The following FAM193A variants were observed in gnomAD, a reference collection of about 807,000 sequenced individuals.
FAM193A encodes the protein family with sequence similarity 193 member A.
FAM193A carries 22 observed loss-of-function variants against 126.5 expected under a neutral mutation model. The observed-to-expected ratio is 0.17, with a 90% CI of 0.12 to 0.25. The LOEUF (loss-of-function observed/expected upper bound fraction) is 0.25, where lower values mean the gene tolerates loss of function less well. Among genes scored for constraint, FAM193A ranks in the 10% least tolerant of loss-of-function variants. FAM193A has a pLI of 1.00. For missense variants in FAM193A, 1,675 were observed against 1,672.8 expected, an observed-to-expected ratio of 1.00 and a Z score of -0.02; for synonymous variants, 761 against 646.8, an observed-to-expected ratio of 1.18 and a Z score of -2.68.
chr4:2,662,400 A>C (rs1318752905), intron 10 of FAM193A, among the ~76,000 whole-genome samples: 1 of 152,212 alleles, frequency 6.6e-6, no homozygotes, highest in Non-Finnish European at 1.5e-5. Context: ...TGAAAAAGCA[A>C]ACACTAAACA....
chr4:2,562,926 C>T (rs529440702), intron 1 of FAM193A, among the ~76,000 whole-genome samples: 3 of 150,994 alleles, frequency 2.0e-5, no homozygotes, highest in Admixed American at 6.6e-5. Context: ...CCACACCTGG[C>T]GATTTGCATT....
At chr4:2,548,312 C>G (rs945746592) in intron 1 of FAM193A, among the ~76,000 whole-genome samples, 3 of 152,010 alleles carry the variant, frequency 2.0e-5, no homozygotes, top group Non-Finnish European at 4.4e-5. Flanking sequence ...CTCAGATTAT[C>G]CGCCCGCCTC....
chr4:2,654,796 T>G (rs1224688073), intron 7 of FAM193A: 1 of 306,576 alleles, frequency 3.3e-6, no homozygotes, highest in African/African-American at 2.1e-5. Flanking sequence ...ACCCATTTTG[T>G]GCCTCCATAG....
intron 2 of FAM193A, among the ~76,000 whole-genome samples, chr4:2,617,755 A>C (rs895883752): frequency 6.6e-6 from 1 of 152,142 alleles, no homozygotes; most frequent in African/African-American, 2.4e-5. Flanking sequence ...TTCTGGTGCT[A>C]ATGTAGTCGT....
At chr4:2,588,197 A>T (rs577738119) in intron 1 of FAM193A, among the ~76,000 whole-genome samples, 3 of 152,242 alleles carry the variant, frequency 2.0e-5, no homozygotes, top group African/African-American at 7.2e-5. Context: ...CGAGATCCCC[A>T]CATCTACTCC....
chr4:2,660,938 T>G (rs1712363451), intron 10 of FAM193A, among the ~76,000 whole-genome samples: 4 of 152,238 alleles, frequency 2.6e-5, no homozygotes, highest in Non-Finnish European at 4.4e-5. Flanking sequence ...TTAGAGACAC[T>G]GTGTACTCTC....
intron 2 of FAM193A, among the ~76,000 whole-genome samples, chr4:2,617,019 T>G (rs1169119709): frequency 6.9e-6 from 1 of 145,346 alleles, no homozygotes; most frequent in Admixed American, 6.8e-5. Context: ...AATACAAACA[T>G]TAGCCGGGTG....
At chr4:2,543,171 T>C (rs571058525) in intron 1 of FAM193A, among the ~76,000 whole-genome samples, 2 of 151,692 alleles carry the variant, frequency 1.3e-5, no homozygotes, top group East Asian at 3.9e-4. Context: ...CACTGCAACC[T>C]CCGCCTCCCG....
At chr4:2,698,945 T>C (rs1240858606) in intron 18 of FAM193A, among the ~76,000 whole-genome samples, 1 of 152,218 alleles carries the variant, frequency 6.6e-6, no homozygotes, top group African/African-American at 2.4e-5. Flanking sequence ...TTACTACACA[T>C]TGCTTTTTGT....
intron 7 of FAM193A, among the ~76,000 whole-genome samples, chr4:2,651,987 G>T: frequency 6.6e-6 from 1 of 152,206 alleles, no homozygotes; most frequent in Non-Finnish European, 1.5e-5. Context: ...AGTTCCCCAT[G>T]ATAGGGAATG....
At chr4:2,568,973 CTTTTTTTTTT>C (rs753557878) in intron 1 of FAM193A, among the ~76,000 whole-genome samples, 2 of 90,722 alleles carry the variant, frequency 2.2e-5, no homozygotes, top group Non-Finnish European at 3.9e-5. Flanking sequence ...TGTTGTTTTG[CTTTTTTTTTT>C]TTTTTTTTTT....
chr4:2,609,915 G>A (rs1247433804), intron 2 of FAM193A, among the ~76,000 whole-genome samples: 3 of 149,296 alleles, frequency 2.0e-5, no homozygotes, highest in Admixed American at 6.7e-5. Flanking sequence ...ATGACAGAGC[G>A]AGACTCCGTC....
At chr4:2,595,968 A>G in intron 1 of FAM193A, 116 bp from the exon 2 acceptor site, 2 of 591,878 alleles carry the variant, frequency 3.4e-6, no homozygotes, top group East Asian at 5.5e-5. Flanking sequence ...TTCCTATTTT[A>G]TGTTTCTGTA....
intron 13 of FAM193A, among the ~76,000 whole-genome samples, chr4:2,685,474 C>A (rs1329733959): frequency 4.6e-5 from 7 of 152,172 alleles, no homozygotes; most frequent in African/African-American, 7.2e-5. Flanking sequence ...TGATCTTCGA[C>A]CTGCATGTTC....
chr4:2,650,124 A>G (rs1172404496), intron 7 of FAM193A, among the ~76,000 whole-genome samples: 5 of 152,220 alleles, frequency 3.3e-5, no homozygotes, highest in African/African-American at 4.8e-5. Flanking sequence ...GGTGAGTTGT[A>G]TAATTATTTC....
intron 1 of FAM193A, among the ~76,000 whole-genome samples, chr4:2,577,642 C>A (rs1405161046): frequency 1.3e-5 from 2 of 152,018 alleles, no homozygotes; most frequent in African/African-American, 4.8e-5. Context: ...TGGTCTTGAA[C>A]TCCTGACCTC....
chr4:2,692,865 G>C (rs537070980), intron 15 of FAM193A, among the ~76,000 whole-genome samples: 11 of 150,638 alleles, frequency 7.3e-5, no homozygotes, highest in African/African-American at 2.4e-4. Flanking sequence ...GAGGGAGGGA[G>C]GGAAAGAAAG....
chr4:2,645,608 C>T (rs1045078487), intron 6 of FAM193A, among the ~76,000 whole-genome samples: 1 of 152,110 alleles, frequency 6.6e-6, no homozygotes, highest in Non-Finnish European at 1.5e-5. Flanking sequence ...CTCACCCCAA[C>T]CTCTGCCTCC....
At chr4:2,660,186 A>C (rs781184398) in intron 10 of FAM193A, 132 bp downstream of exon 10, 3 of 924,582 alleles carry the variant, frequency 3.2e-6, no homozygotes, top group Non-Finnish European at 3.2e-6. Context: ...TGAGGTTTTT[A>C]ATGCAGCTTT....
Sources: gnomAD v4.1 joint callset for allele counts (sites outside exome capture counted in the v4.1 genomes callset) on GRCh38, gnomAD v4.1.1 for gene constraint, MANE v1.5 for transcripts, NCBI Gene and HGNC (gene_info 2026-07-23, HGNC 2026-07-21) for gene names.